The following MYO1D variants were observed in gnomAD, a reference collection of about 807,000 sequenced individuals.
MYO1D encodes unconventional myosin-Id.
MYO1D carries 83 observed loss-of-function variants against 122.0 expected under a neutral mutation model. That is an observed-to-expected ratio of 0.68 (90% CI 0.57 to 0.82). MYO1D has a LOEUF of 0.82. MYO1D is among the 40% of genes least tolerant of loss of function. The pLI, the probability that MYO1D is intolerant of heterozygous loss-of-function variation, is 0.00. For missense variants in MYO1D, 1,157 were observed against 1,269.5 expected (o/e 0.91, Z 1.35); for synonymous variants, 464 against 446.9 (o/e 1.04, Z -0.48).
At chr17:32,790,914 A>G (rs1017218243) in intron 1 of MYO1D, among the ~76,000 whole-genome samples, 1 of 152,254 alleles carries the variant, frequency 6.6e-6, no homozygotes, top group Non-Finnish European at 1.5e-5. Context: ...CTCCTTGAAG[A>G]AAAGCGGATT....
At chr17:32,847,832 T>TA (rs1445688079) in intron 1 of MYO1D, among the ~76,000 whole-genome samples, 1 of 152,194 alleles carries the variant, frequency 6.6e-6, no homozygotes, top group African/African-American at 2.4e-5. Context: ...TTATTATTAA[T>TA]ACATGTTAAA....
rs1408202066 is a variant in MYO1D at position 32,834,114 on chromosome 17, C to T, written c.95+42664G>A. Among the ~76,000 whole-genome samples the T allele has an allele frequency of 2.6e-5, 4 of 152,120 alleles. No homozygotes were observed. The East Asian group carries it at 5.8e-4, about 22-fold the overall frequency. ...GATGGTGCTCAGCATATTGTAGGCG[C>T]CCAACAGATGTTTGCTGAATAAATG... is the stretch of plus-strand genomic sequence containing the variant. On this transcript the variant is annotated intron_variant, in intron 1 of 21. Transcript: ENST00000318217.
chr17:32,756,540 T>C (rs2151013852), intron 10 of MYO1D, among the ~76,000 whole-genome samples: 1 of 151,896 alleles, frequency 6.6e-6, no homozygotes, highest in Admixed American at 6.6e-5. Flanking sequence ...TAACAACCCT[T>C]TATCTCTTAG....
intron 1 of MYO1D, among the ~76,000 whole-genome samples, chr17:32,845,065 G>C (rs1436018829): frequency 6.6e-6 from 1 of 151,622 alleles, no homozygotes; most frequent in African/African-American, 2.4e-5. Context: ...AAATCTGGAA[G>C]GCTACACCAA....
At chr17:32,620,698 T>C (rs548245121) in intron 20 of MYO1D, among the ~76,000 whole-genome samples, 3 of 152,308 alleles carry the variant, frequency 2.0e-5, no homozygotes, top group Admixed American at 2.0e-4. Context: ...GAAATGCATC[T>C]CTTCCATTTT....
chr17:32,829,572 G>A (rs1213453749), intron 1 of MYO1D, among the ~76,000 whole-genome samples: 1 of 152,174 alleles, frequency 6.6e-6, no homozygotes, highest in African/African-American at 2.4e-5. Flanking sequence ...TCATGCCTCA[G>A]CCTCCCAAGT....
intron 20 of MYO1D, among the ~76,000 whole-genome samples, chr17:32,617,036 C>T (rs2087779141): frequency 6.6e-6 from 1 of 152,146 alleles, no homozygotes; most frequent in African/African-American, 2.4e-5. Flanking sequence ...CAAAAATTAG[C>T]TGGGCATGGT....
intron 21 of MYO1D, among the ~76,000 whole-genome samples, chr17:32,604,153 T>C (rs952677239): frequency 2.6e-5 from 4 of 151,432 alleles, no homozygotes; most frequent in African/African-American, 9.7e-5. Context: ...ATTCCAAATA[T>C]GTGTTTGTTG....
intron 14 of MYO1D, among the ~76,000 whole-genome samples, chr17:32,727,962 T>G (rs2089595487): frequency 6.6e-6 from 1 of 152,200 alleles, no homozygotes; most frequent in Admixed American, 6.5e-5. Context: ...AGATGTTTCA[T>G]AATGATAAAT....
chr17:32,534,500 C>A (rs1338871828), intron 21 of MYO1D, among the ~76,000 whole-genome samples: 2 of 152,144 alleles, frequency 1.3e-5, no homozygotes, highest in Admixed American at 6.5e-5. Context: ...AAGAAGAACA[C>A]CCCTAAGCAA....
At chr17:32,739,679 C>CATA (rs1284362920) in intron 13 of MYO1D, among the ~76,000 whole-genome samples, 1 of 152,122 alleles carries the variant, frequency 6.6e-6, no homozygotes, top group Non-Finnish European at 1.5e-5. Context: ...AAATAATTAA[C>CATA]ATTAGCATTC....
chr17:32,791,771 A>G (rs1192521819), intron 1 of MYO1D, among the ~76,000 whole-genome samples: 1 of 152,168 alleles, frequency 6.6e-6, no homozygotes, highest in Non-Finnish European at 1.5e-5. Context: ...CTCTTTATAT[A>G]GTTAATTAAT....
At chr17:32,781,590 T>C (rs2151029820) in intron 1 of MYO1D, among the ~76,000 whole-genome samples, 1 of 152,300 alleles carries the variant, frequency 6.6e-6, no homozygotes, top group Admixed American at 6.5e-5. Context: ...ACAGATATAT[T>C]TTATAAATGA....
intron 16 of MYO1D, among the ~76,000 whole-genome samples, chr17:32,665,168 C>G (rs2088620060): frequency 1.3e-5 from 2 of 152,166 alleles, no homozygotes; most frequent in Admixed American, 6.5e-5. Flanking sequence ...CCAGCCCTGG[C>G]CTTCTGATTT....
intron 14 of MYO1D, among the ~76,000 whole-genome samples, chr17:32,729,957 G>C (rs536792984): frequency 6.6e-6 from 1 of 152,008 alleles, no homozygotes; most frequent in Non-Finnish European, 1.5e-5. Context: ...CATATATCTG[G>C]ATTCTTTTTC....
chr17:32,659,803 A>G (rs951508018), intron 16 of MYO1D, among the ~76,000 whole-genome samples: 1 of 152,178 alleles, frequency 6.6e-6, no homozygotes, highest in Non-Finnish European at 1.5e-5. Flanking sequence ...TGATTTACAC[A>G]CAGCCTGTGC....
chr17:32,757,077 A>G (rs1446072666), intron 10 of MYO1D, among the ~76,000 whole-genome samples: 1 of 152,126 alleles, frequency 6.6e-6, no homozygotes, highest in African/African-American at 2.4e-5. Flanking sequence ...TATAAGGTCT[A>G]TATACTCATA....
intron 21 of MYO1D, among the ~76,000 whole-genome samples, chr17:32,599,554 G>C (rs924268467): frequency 6.6e-6 from 1 of 152,204 alleles, no homozygotes; most frequent in African/African-American, 2.4e-5. Context: ...GTGGCATCTA[G>C]AATGGTGAAT....
intron 20 of MYO1D, among the ~76,000 whole-genome samples, chr17:32,634,222 C>T (rs540557070): frequency 6.6e-6 from 1 of 152,308 alleles, no homozygotes; most frequent in East Asian, 1.9e-4. Context: ...CCTGTCTACT[C>T]GAGGTCCCTT....
Sources: allele counts gnomAD v4.1 joint callset (sites outside exome capture counted in the v4.1 genomes callset), GRCh38; gene constraint gnomAD v4.1.1; transcripts MANE v1.5; gene names NCBI Gene and HGNC (gene_info 2026-07-23, HGNC 2026-07-21).